MACROH2A2: variants seen among roughly 807,000 people sequenced by gnomAD.
MACROH2A2 encodes core histone macro-H2A.2.
A neutral mutation model predicts 37.6 loss-of-function variants in MACROH2A2; 6 were observed. The observed-to-expected ratio is 0.16, with a 90% CI of 0.09 to 0.32. The LOEUF (loss-of-function observed/expected upper bound fraction) is 0.32. Ranked by LOEUF, MACROH2A2 falls within the 10% of genes least tolerant of loss-of-function variation. MACROH2A2 has a pLI of 1.00. For missense variants in MACROH2A2, 290 were observed against 485.9 expected (o/e 0.60, Z 3.79); for synonymous variants, 192 against 202.7 (o/e 0.95, Z 0.45).
At chr10:70,101,917 G>A (rs1043149250) in intron 7 of MACROH2A2, among the ~76,000 whole-genome samples, 1 of 152,268 alleles carries the variant, frequency 6.6e-6, no homozygotes, top group East Asian at 1.9e-4. Context: ...TTTGGTGATT[G>A]TGAATAGAGC....
intron 1 of MACROH2A2, among the ~76,000 whole-genome samples, chr10:70,055,553 A>T (rs2072010472): frequency 6.6e-6 from 1 of 152,020 alleles, no homozygotes; most frequent in African/African-American, 2.4e-5. Context: ...GAAATGAAAT[A>T]TAAGGAAGTC....
intron 5 of MACROH2A2, among the ~76,000 whole-genome samples, chr10:70,094,541 A>C (rs2072263788): frequency 1.3e-5 from 2 of 152,246 alleles, no homozygotes; most frequent in Non-Finnish European, 2.9e-5. Flanking sequence ...TCTTGACAAC[A>C]CAGTAAGCCT....
intron 2 of MACROH2A2, among the ~76,000 whole-genome samples, chr10:70,076,334 G>A (rs778307791): frequency 6.6e-6 from 1 of 152,218 alleles, no homozygotes; most frequent in Non-Finnish European, 1.5e-5. Flanking sequence ...TGAAGCCGAT[G>A]TAATGTTCTA....
chr10:70,073,686 T>C (rs1215875041), intron 1 of MACROH2A2, among the ~76,000 whole-genome samples: 2 of 152,210 alleles, frequency 1.3e-5, no homozygotes, highest in Non-Finnish European at 2.9e-5. Flanking sequence ...TTTCAGAGCT[T>C]TTAATATAGT....
chr10:70,059,770 C>G (rs909998583), intron 1 of MACROH2A2, among the ~76,000 whole-genome samples: 3 of 152,226 alleles, frequency 2.0e-5, no homozygotes, highest in Admixed American at 1.3e-4. Context: ...GCTCCCTCCC[C>G]GTGGTCCACC....
At chr10:70,092,418 G>A (rs1341205373) in intron 4 of MACROH2A2, among the ~76,000 whole-genome samples, 3 of 152,018 alleles carry the variant, frequency 2.0e-5, no homozygotes, top group South Asian at 2.1e-4. Flanking sequence ...CGGTGACAGC[G>A]CAAGACCCTG....
chr10:70,065,637 A>G (rs1055451495), intron 1 of MACROH2A2, among the ~76,000 whole-genome samples: 3 of 152,210 alleles, frequency 2.0e-5, no homozygotes, highest in African/African-American at 7.2e-5. Context: ...GAAATTAAAA[A>G]TATGATTACC....
chr10:70,059,991 C>G (rs576453718), intron 1 of MACROH2A2, among the ~76,000 whole-genome samples: 25 of 152,258 alleles, frequency 1.6e-4, no homozygotes, highest in Admixed American at 5.9e-4. Flanking sequence ...AACCAGGGAG[C>G]AACACTGCCT....
At chr10:70,092,334 G>A (rs534144555) in intron 4 of MACROH2A2, among the ~76,000 whole-genome samples, 16 of 152,314 alleles carry the variant, frequency 1.1e-4, no homozygotes, top group African/African-American at 3.4e-4. Context: ...TTGGGAGGCC[G>A]AGGCAGGAGG....
chr10:70,060,747 T>C (rs1396064529), intron 1 of MACROH2A2, among the ~76,000 whole-genome samples: 3 of 152,256 alleles, frequency 2.0e-5, no homozygotes, highest in Non-Finnish European at 4.4e-5. Context: ...ATTACTAATT[T>C]GGATCTGTTA....
In MACROH2A2 at chr10:70,090,105, A is replaced by G; in HGVS notation, c.218A>G (p.Lys73Arg). 2 of 1,614,150 alleles carry G rather than the reference A, an allele frequency of 1.2e-6. No individual in the cohort carries two copies. The highest frequency in any genetic ancestry group is 1.7e-6 in the Non-Finnish European group (2 of 1,179,938). ...LAGNAARDNK[K>R]ARIAPRHILL... ...GGCAATGCCGCGAGGGACAACAAGA[A>G]GGCCCGGATAGCCCCGAGACACATC... The change falls in exon 3 of 9, where the codon AAG becomes AGG. Residue 73 changes from lysine to arginine, a missense_variant. This residue lies in a region of MACROH2A2 where 83 missense variants were observed against 159.9 expected (regional missense o/e 0.52). Transcript: ENST00000373255.
intron 1 of MACROH2A2, among the ~76,000 whole-genome samples, chr10:70,055,961 G>C (rs2072013606): frequency 6.6e-6 from 1 of 152,170 alleles, no homozygotes; most frequent in Admixed American, 6.5e-5. Flanking sequence ...GAATGAAGCA[G>C]ATCTATACAT....
At chr10:70,069,372 G>A (rs927762549) in intron 1 of MACROH2A2, among the ~76,000 whole-genome samples, 3 of 152,076 alleles carry the variant, frequency 2.0e-5, no homozygotes, top group Non-Finnish European at 2.9e-5. Context: ...GTTTCTCACC[G>A]TTAACATTCT....
rs1312687358 is a variant in MACROH2A2 at position 70,053,469 on chromosome 10, C to T, written c.-60+469C>T. 6.6e-6 allele frequency among the ~76,000 whole-genome samples: 1 copy of T among 151,728 alleles called. No individual in the cohort carries two copies. The highest frequency in any genetic ancestry group is 1.5e-5 in the Non-Finnish European group (1 of 67,886). Reference sequence around the variant, plus strand: ...CCGAGGGAGCCCGGGGAGGGCCGCTCGGGGGCCTCTGAAGGTGCCCGGGCA... The same window carrying T: ...CCGAGGGAGCCCGGGGAGGGCCGCTTGGGGGCCTCTGAAGGTGCCCGGGCA... On this transcript the variant is annotated intron_variant, in intron 1 of 8. Transcript: ENST00000373255. The surrounding 1 kb of genome is among the most constrained non-coding windows in gnomAD (Gnocchi z 4.8).
chr10:70,105,221 G>C (rs1276275247), intron 7 of MACROH2A2, among the ~76,000 whole-genome samples: 1 of 152,216 alleles, frequency 6.6e-6, no homozygotes, highest in Non-Finnish European at 1.5e-5. Flanking sequence ...ATGTCAGCTG[G>C]GGCAGAACCA....
chr10:70,079,306 A>G (rs1040483592), intron 2 of MACROH2A2, among the ~76,000 whole-genome samples: 3 of 151,598 alleles, frequency 2.0e-5, no homozygotes, highest in Admixed American at 6.6e-5. Context: ...AGCTCCCCCA[A>G]ATGATTCTGA....
intron 1 of MACROH2A2, among the ~76,000 whole-genome samples, chr10:70,068,174 C>A (rs184755810): frequency 6.6e-6 from 1 of 151,668 alleles, no homozygotes; most frequent in East Asian, 1.9e-4. Flanking sequence ...TAAATAATTT[C>A]TTTAACTTTC....
chr10:70,101,733 A>G (rs1374225604), intron 7 of MACROH2A2, among the ~76,000 whole-genome samples: 1 of 152,174 alleles, frequency 6.6e-6, no homozygotes, highest in East Asian at 1.9e-4. Flanking sequence ...GACATTTCAT[A>G]TAAATGGGAT....
At chr10:70,069,143 G>C (rs1036819598) in intron 1 of MACROH2A2, among the ~76,000 whole-genome samples, 4 of 152,122 alleles carry the variant, frequency 2.6e-5, no homozygotes, top group Non-Finnish European at 5.9e-5. Context: ...TATTTACCCG[G>C]TGTTATATAT....
Sources: allele counts gnomAD v4.1 joint callset (sites outside exome capture counted in the v4.1 genomes callset), GRCh38; gene constraint gnomAD v4.1.1; regional missense constraint gnomAD v4.1.1; non-coding constraint Gnocchi (gnomAD v3.1); transcripts MANE v1.5; gene names NCBI Gene and HGNC (gene_info 2026-07-23, HGNC 2026-07-21).